Variants in PDE7B observed in about 807,000 individuals in gnomAD.
PDE7B encodes the protein 3',5'-cyclic-AMP phosphodiesterase 7B.
A neutral mutation model predicts 56.2 loss-of-function variants in PDE7B; 29 were observed. The ratio of observed to expected loss-of-function variants is 0.52; its 90% CI spans 0.38 to 0.70. PDE7B has a LOEUF of 0.70. Among genes scored for constraint, PDE7B ranks in the 30% least tolerant of loss-of-function variants. PDE7B has a pLI of 0.00. For missense variants in PDE7B, 490 were observed against 565.0 expected, an observed-to-expected ratio of 0.87 and a Z score of 1.35; for synonymous variants, 197 against 196.9, an observed-to-expected ratio of 1.00 and a Z score of 0.00.
At chr6:136,070,564 G>T (rs1485699360) in intron 2 of PDE7B, among the ~76,000 whole-genome samples, 1 of 151,880 alleles carries the variant, frequency 6.6e-6, no homozygotes, top group Non-Finnish European at 1.5e-5. Context: ...ATTTTAAAAG[G>T]TTAGTTAATG....
chr6:136,032,671 G>A (rs1671664460), intron 2 of PDE7B, among the ~76,000 whole-genome samples: 1 of 152,180 alleles, frequency 6.6e-6, no homozygotes. Context: ...GGGTTGAAGG[G>A]CTTGACTTTC....
At chr6:136,031,738 CA>C (rs36015213) in intron 2 of PDE7B, among the ~76,000 whole-genome samples, 37,239 of 109,638 alleles carry the variant, frequency 0.34, 4,500 homozygotes, top group Middle Eastern at 0.41. Context: ...GACTCCGTCT[CA>C]AAAAAAAAAA....
intron 1 of PDE7B, among the ~76,000 whole-genome samples, chr6:135,915,971 T>A (rs1267312640): frequency 6.6e-6 from 1 of 152,242 alleles, no homozygotes; most frequent in South Asian, 2.1e-4. Context: ...GGCACTTAGT[T>A]GTTCTCAGTT....
At chr6:136,064,852 C>G (rs557383140) in intron 2 of PDE7B, among the ~76,000 whole-genome samples, 1 of 152,198 alleles carries the variant, frequency 6.6e-6, no homozygotes, top group East Asian at 1.9e-4. Context: ...GCCTTCCTCT[C>G]AAAACACTGT....
chr6:135,891,918 C>T (rs773866477), intron 1 of PDE7B, among the ~76,000 whole-genome samples: 5 of 152,028 alleles, frequency 3.3e-5, no homozygotes, highest in Non-Finnish European at 5.9e-5. Flanking sequence ...CATAATTACT[C>T]CTGCCCACCC....
chr6:136,097,066 T>C (rs553484022), intron 2 of PDE7B, among the ~76,000 whole-genome samples: 2 of 151,610 alleles, frequency 1.3e-5, no homozygotes, highest in African/African-American at 4.8e-5. Flanking sequence ...CTTTACAGAC[T>C]CCTCCTCCTC....
At position 136,027,650 on chromosome 6, in the gene PDE7B, C is replaced by G. The variant is rs1018138601; in HGVS notation, c.82+80126C>G. Among the ~76,000 whole-genome samples the G allele has an allele frequency of 5.3e-5, 8 of 152,212 alleles. No individual in the cohort carries two copies. In the East Asian group the frequency reaches 1.2e-3, roughly 22 times the overall value. On this transcript the variant is annotated intron_variant, in intron 2 of 12. Coordinates refer to ENST00000308191, the MANE Select transcript of PDE7B (RefSeq NM_018945.4). ...TTATTTATTTATTTTGAGACAGAGT[C>G]TTGCTCTGTCGCCCAGGCTGGAGTA...
chr6:135,934,219 A>G (rs1031366385), intron 1 of PDE7B, among the ~76,000 whole-genome samples: 10 of 152,278 alleles, frequency 6.6e-5, no homozygotes, highest in South Asian at 2.1e-4. Flanking sequence ...TACTACTTCA[A>G]ATAATCCCCA....
intron 2 of PDE7B, among the ~76,000 whole-genome samples, chr6:136,052,426 A>G (rs905205425): frequency 6.6e-6 from 1 of 152,190 alleles, no homozygotes; most frequent in African/African-American, 2.4e-5. Context: ...GAGTTGAAGT[A>G]AATGGGAAGA....
intron 1 of PDE7B, among the ~76,000 whole-genome samples, chr6:135,858,153 AT>A (rs1235393577): frequency 1.3e-5 from 2 of 151,750 alleles, no homozygotes; most frequent in African/African-American, 2.4e-5. Context: ...TTTAATTACT[AT>A]TTTTTTGTTT....
chr6:136,071,579 GA>G (rs1175800911), intron 2 of PDE7B, among the ~76,000 whole-genome samples: 1 of 152,122 alleles, frequency 6.6e-6, no homozygotes, highest in Non-Finnish European at 1.5e-5. Context: ...GAAACACCAA[GA>G]AATTATAAAC....
In PDE7B at chr6:135,941,925, T is replaced by C. The variant is rs575480609; in HGVS notation, c.22-5539T>C. On this transcript the variant is annotated intron_variant, in intron 1 of 12. Transcript: ENST00000308191. The stretch of plus-strand genomic sequence containing the variant: ...CTGAGAGAATAATAAATTCAAGTTA[T>C]AGTAACTACTCAGGAAAATAAAAAG... 6.6e-5 allele frequency among the ~76,000 whole-genome samples: 10 copies of C among 152,320 alleles called. No individual in the cohort carries two copies. The South Asian group carries it at 1.0e-3, about 16-fold the overall frequency.
chr6:135,902,483 G>C lies in PDE7B; in HGVS notation c.22-44981G>C, dbSNP rs1312100046. 2.0e-5 allele frequency among the ~76,000 whole-genome samples: 3 copies of C among 151,972 alleles called. No individual in the cohort carries two copies. In the South Asian group the frequency reaches 6.3e-4, roughly 32 times the overall value. On this transcript the variant is annotated intron_variant, in intron 1 of 12. Transcript: ENST00000308191. Reference sequence around the variant, plus strand: ...TCCTTTTTACACATCAAATAAAAGAGTCCATAGTTATCTGAAACACAGAAT... The same window carrying C: ...TCCTTTTTACACATCAAATAAAAGACTCCATAGTTATCTGAAACACAGAAT...
At chr6:136,122,868 T>C (rs150432120) in intron 3 of PDE7B, among the ~76,000 whole-genome samples, 220 of 152,322 alleles carry the variant, frequency 1.4e-3, no homozygotes, top group Middle Eastern at 3.4e-3. Flanking sequence ...TCTGTATCTC[T>C]CTGCAGGCAG....
At chr6:136,091,139 C>T (rs1777378679) in intron 2 of PDE7B, among the ~76,000 whole-genome samples, 1 of 152,270 alleles carries the variant, frequency 6.6e-6, no homozygotes, top group African/African-American at 2.4e-5. Context: ...GTGAGATAGC[C>T]ATCAGTGGTT....
intron 1 of PDE7B, among the ~76,000 whole-genome samples, chr6:135,860,330 T>A (rs1307379229): frequency 6.6e-6 from 1 of 152,060 alleles, no homozygotes; most frequent in Non-Finnish European, 1.5e-5. Flanking sequence ...GAAACATTTT[T>A]AAAATACACA....
chr6:135,953,453 GTTT>G (rs1209769242), intron 2 of PDE7B, among the ~76,000 whole-genome samples: 3 of 152,064 alleles, frequency 2.0e-5, no homozygotes, highest in Non-Finnish European at 2.9e-5. Context: ...TTGTAGACCT[GTTT>G]ACTCTTCTCT....
rs4413628 is a variant in PDE7B, at chr6:135,983,187, A to G, written c.82+35663A>G. On this transcript the variant is annotated intron_variant, in intron 2 of 12. Coordinates refer to ENST00000308191, the MANE Select transcript of PDE7B (RefSeq NM_018945.4). ...TTTAAGACACACACAGTGCTACCCA[A>G]TTGTGCTTTGGGGTCTGGAGAAACC... Among the ~76,000 whole-genome samples, 1,361 of 152,206 alleles carry G rather than the reference A, an allele frequency of 8.9e-3. 13 individuals are homozygous for G. The highest frequency in any genetic ancestry group is 0.034 in the Middle Eastern group (10 of 294).
Position 136,089,886 on chromosome 6 carries a change from A to G in PDE7B, c.83-18845A>G, listed in dbSNP as rs9399179. ...TCCTTATTTTCTGTGTCTAGTGTTC[A>G]GAGAAGGCACTTTTAGCTATTTTGT... On this transcript the variant is annotated intron_variant, in intron 2 of 12. Transcript: ENST00000308191. Among the ~76,000 whole-genome samples, 548 of 152,250 alleles carry G rather than the reference A, an allele frequency of 3.6e-3. 15 individuals are homozygous for G. In the East Asian group the frequency reaches 0.086, roughly 24 times the overall value.
Sources: gnomAD v4.1 joint callset for allele counts (sites outside exome capture counted in the v4.1 genomes callset) on GRCh38, gnomAD v4.1.1 for gene constraint, MANE v1.5 for transcripts, NCBI Gene and HGNC (gene_info 2026-07-23, HGNC 2026-07-21) for gene names.